The following UST variants were observed in gnomAD, a reference collection of about 807,000 sequenced individuals.
The protein encoded by UST is uronyl 2-sulfotransferase, also known as chondroitin sulfate 2-O-sulfotransferase.
A neutral mutation model predicts 45.6 loss-of-function variants in UST; 21 were observed. The ratio of observed to expected loss-of-function variants is 0.46; its 90% CI spans 0.33 to 0.66. UST has a LOEUF of 0.66. UST is among the 30% of genes least tolerant of loss of function. The pLI is 0.02. For synonymous variants in UST, 215 were observed against 200.6 expected, an observed-to-expected ratio of 1.07 and a Z score of -0.61; for missense variants, 463 against 512.4, an observed-to-expected ratio of 0.90 and a Z score of 0.93.
chr6:148,884,636 C>T (rs764320201), intron 1 of UST, among the ~76,000 whole-genome samples: 15 of 151,270 alleles, frequency 9.9e-5, no homozygotes, highest in East Asian at 1.9e-4. Flanking sequence ...CAGACCATGG[C>T]GAGGAGCTGA....
chr6:149,015,037 G>A (rs1408311984), intron 5 of UST, among the ~76,000 whole-genome samples: 1 of 152,018 alleles, frequency 6.6e-6, no homozygotes, highest in Non-Finnish European at 1.5e-5. Flanking sequence ...GAGGGGGTGT[G>A]GGAGTAAGGG....
intron 1 of UST, among the ~76,000 whole-genome samples, chr6:148,860,226 G>T (rs920086900): frequency 8.5e-5 from 13 of 152,164 alleles, no homozygotes; most frequent in African/African-American, 2.9e-4. Context: ...TTGTACGTTG[G>T]ATTCCTAGGT....
chr6:148,907,390 C>A (rs1038471756), intron 2 of UST, among the ~76,000 whole-genome samples: 7 of 152,060 alleles, frequency 4.6e-5, no homozygotes, highest in African/African-American at 1.4e-4. Flanking sequence ...AAATGTTACT[C>A]CAGATCTCAG....
At chr6:148,959,359 T>C (rs146700476) in intron 4 of UST, among the ~76,000 whole-genome samples, 2 of 152,234 alleles carry the variant, frequency 1.3e-5, no homozygotes, top group Non-Finnish European at 1.5e-5. Context: ...ATCTCTTATC[T>C]TTTGACAGAC....
chr6:149,053,348 T>C (rs9322164), intron 7 of UST, among the ~76,000 whole-genome samples: 37,637 of 152,136 alleles, frequency 0.25, 4,839 homozygotes, highest in Admixed American at 0.27. Context: ...CCTTCAGATA[T>C]TTCCACAAAG....
chr6:148,862,969 G>T (rs369262596), intron 1 of UST, among the ~76,000 whole-genome samples: 17 of 152,006 alleles, frequency 1.1e-4, no homozygotes, highest in African/African-American at 2.4e-4. Context: ...CTGACAATTA[G>T]GTGTCTTGGA....
intron 2 of UST, among the ~76,000 whole-genome samples, chr6:148,890,454 T>C (rs1168167484): frequency 1.3e-5 from 2 of 152,226 alleles, no homozygotes; most frequent in Admixed American, 1.3e-4. Context: ...ATCTTTTTCA[T>C]ATTTGCTTAG....
At chr6:148,767,325 A>T (rs768945246) in intron 1 of UST, among the ~76,000 whole-genome samples, 20 of 152,266 alleles carry the variant, frequency 1.3e-4, no homozygotes, top group Non-Finnish European at 2.2e-4. Context: ...ACACCCTTGT[A>T]TGATTTCAAG....
At chr6:149,062,333 A>G (rs1450837295) in intron 7 of UST, among the ~76,000 whole-genome samples, 1 of 152,256 alleles carries the variant, frequency 6.6e-6, no homozygotes, top group Non-Finnish European at 1.5e-5. Flanking sequence ...GAATTTAGCT[A>G]AAAAGTGAAG....
chr6:149,056,911 A>C (rs1258399721), intron 7 of UST, among the ~76,000 whole-genome samples: 3 of 152,124 alleles, frequency 2.0e-5, no homozygotes, highest in East Asian at 3.8e-4. Context: ...ACTTATCTAC[A>C]TGTTCGGCCT....
chr6:148,829,450 TG>T (rs1383369957), intron 1 of UST, among the ~76,000 whole-genome samples: 1 of 152,192 alleles, frequency 6.6e-6, no homozygotes, highest in African/African-American at 2.4e-5. Context: ...GCAGAGCACA[TG>T]GGCTAATTAT....
chr6:148,924,933 A>G (rs977255713), intron 2 of UST, among the ~76,000 whole-genome samples: 9 of 152,142 alleles, frequency 5.9e-5, no homozygotes, highest in African/African-American at 1.4e-4. Flanking sequence ...GCTTGATTCT[A>G]TTACTTTGGG....
intron 5 of UST, among the ~76,000 whole-genome samples, chr6:148,971,289 A>G (rs1780914392): frequency 6.6e-6 from 1 of 152,094 alleles, no homozygotes; most frequent in Admixed American, 6.5e-5. Context: ...CATTCACTCA[A>G]TAAACATTGA....
rs1775933020 is a variant in UST, at chr6:148,748,898, C to T, written c.247+1221C>T. 6.6e-6 allele frequency among the ~76,000 whole-genome samples: 1 copy of T among 151,260 alleles called. No homozygotes were observed. Among genetic ancestry groups the T allele is most frequent in the East Asian group, 1.9e-4 (1 of 5,148 alleles). On this transcript the variant is annotated intron_variant, in intron 1 of 7. Coordinates refer to ENST00000367463, the MANE Select transcript of UST (RefSeq NM_005715.3). This position sits in a 1 kb window ranked among gnomAD's most constrained non-coding sequence, Gnocchi z 5.3. ...AGAAGCCACAGGTCTAGATAGTAGACCGTTTGGAGAAAAGAGAAAAGAAAA... is the reference window on the plus strand; with the variant it reads ...AGAAGCCACAGGTCTAGATAGTAGATCGTTTGGAGAAAAGAGAAAAGAAAA...
chr6:148,870,104 TCACACACA>T (rs60229120), intron 1 of UST, among the ~76,000 whole-genome samples: 13 of 141,540 alleles, frequency 9.2e-5, no homozygotes, highest in Middle Eastern at 3.5e-3. Flanking sequence ...TGGTAATGTT[TCACACACA>T]CACACACACA....
chr6:149,005,488 C>T (rs1014349008), intron 5 of UST: 6 of 985,224 alleles, frequency 6.1e-6, no homozygotes, highest in African/African-American at 3.5e-5. Flanking sequence ...ACAGTGGGCC[C>T]GAACTTTGCT....
At chr6:148,937,713 C>A (rs75836952) in intron 2 of UST, among the ~76,000 whole-genome samples, 1 of 152,184 alleles carries the variant, frequency 6.6e-6, no homozygotes, top group South Asian at 2.1e-4. Context: ...CTCCCATCTT[C>A]TAGGTCATTA....
chr6:149,049,484 G>T (rs570504791), intron 7 of UST, among the ~76,000 whole-genome samples: 1 of 152,182 alleles, frequency 6.6e-6, no homozygotes, highest in African/African-American at 2.4e-5. Flanking sequence ...TGGGTGGTGG[G>T]ATTATTAGTA....
chr6:148,851,570 T>C (rs1306047094), intron 1 of UST, among the ~76,000 whole-genome samples: 2 of 152,224 alleles, frequency 1.3e-5, no homozygotes, highest in Admixed American at 1.3e-4. Flanking sequence ...TGTTTGAGAA[T>C]TTAACTATGC....
Sources: gnomAD v4.1 joint callset for allele counts (sites outside exome capture counted in the v4.1 genomes callset) on GRCh38, gnomAD v4.1.1 for gene constraint, Gnocchi (gnomAD v3.1) non-coding constraint, MANE v1.5 for transcripts, NCBI Gene and HGNC (gene_info 2026-07-23, HGNC 2026-07-21) for gene names.